The following CCL24 variants were observed in gnomAD, a reference collection of about 807,000 sequenced individuals.
CCL24 encodes C-C motif chemokine ligand 24.
A neutral mutation model predicts 8.6 loss-of-function variants in CCL24; 6 were observed. That is an observed-to-expected ratio of 0.70 (90% CI 0.38 to 1.38). The LOEUF (loss-of-function observed/expected upper bound fraction) is 1.38, where lower values mean the gene tolerates loss of function less well. Ranked by LOEUF, CCL24 falls within the 40% of genes most tolerant of loss-of-function variation. The pLI, the probability that CCL24 is intolerant of heterozygous loss-of-function variation, is 0.02. For missense variants in CCL24, 126 were observed against 147.1 expected (o/e 0.86, Z 0.74); for synonymous variants, 59 against 52.7 (o/e 1.12, Z -0.52).
At position 75,811,996 on chromosome 7, in the gene CCL24, G is replaced by A. The variant is rs143613901; in HGVS notation, c.192-32C>T. 40 of 1,598,676 alleles carry A rather than the reference G, an allele frequency of 2.5e-5. No individual in the cohort carries two copies. In the East Asian group the frequency reaches 8.5e-4, roughly 34 times the overall value. ...AAGAAAGGGACAGGGGATCAGCTGA[G>A]GTCGACAGGGACCTTGGGCCACTCC... On this transcript the variant is annotated intron_variant, in intron 2 of 2. Transcript: ENST00000222902.
rs374873340 is a variant in CCL24 at position 75,821,852 on chromosome 7, C to T, written c.-60+1470G>A. Among the ~76,000 whole-genome samples, 546 of 149,496 alleles carry T rather than the reference C, an allele frequency of 3.7e-3. 2 individuals carry two copies. Among genetic ancestry groups the T allele is most frequent in the African/African-American group, 0.013 (512 of 40,816 alleles). On this transcript the variant is annotated intron_variant, in intron 1 of 3. Transcript: ENST00000416943. ...CTGAGGCAGGAGAATGGCGTGAACC[C>T]GGGAGGCGGAGCTTGCAGTGAGCCG...
chr7:75,813,740 T>C lies in CCL24; in HGVS notation c.-25A>G. Reference sequence around the variant, plus strand: ...TGTCTCAGAGAGCAGAAGCACCAGCTCGGGGCTCAAAGCTGACGTGCAGGA... The same window carrying C: ...TGTCTCAGAGAGCAGAAGCACCAGCCCGGGGCTCAAAGCTGACGTGCAGGA... On this transcript the variant is annotated 5_prime_UTR_variant, in exon 1 of 3. Coordinates refer to ENST00000222902, the MANE Select transcript of CCL24 (RefSeq NM_002991.3). 6.2e-7 allele frequency: 1 copy of C among 1,605,254 alleles called. No homozygotes were observed. Among genetic ancestry groups the C allele is most frequent in the Non-Finnish European group, 8.5e-7 (1 of 1,172,106 alleles).
chr7:75,822,793 C>A (rs1211396483), intron 1 of CCL24, among the ~76,000 whole-genome samples: 14 of 152,122 alleles, frequency 9.2e-5, no homozygotes, highest in African/African-American at 3.1e-4. Flanking sequence ...TGTGCCACTG[C>A]ACTTCAGCCT....
Position 75,811,306 on chromosome 7 carries a change from T to C in CCL24, c.*490A>G, listed in dbSNP as rs760988849. Among the ~76,000 whole-genome samples the C allele has an allele frequency of 3.0e-4, 46 of 151,530 alleles. No individual in the cohort carries two copies. Among genetic ancestry groups the C allele is most frequent in the Non-Finnish European group, 6.0e-4 (41 of 67,892 alleles). ...CCAGCCTGGCCAACATGGTGAAACC[T>C]CATCTCTACTAAAAATACAAAAGTT... On this transcript the variant is annotated 3_prime_UTR_variant, in exon 3 of 3. Coordinates refer to ENST00000222902, the MANE Select transcript of CCL24 (RefSeq NM_002991.3).
At chr7:75,818,091 A>T (rs1267396096), upstream of CCL24, among the ~76,000 whole-genome samples, 2 of 152,128 alleles carry the variant, frequency 1.3e-5, no homozygotes, top group East Asian at 3.9e-4. Context: ...TCGGCCTCCC[A>T]AAGTGCTGGG....
upstream of CCL24, among the ~76,000 whole-genome samples, chr7:75,816,977 G>T (rs1356960789): frequency 6.6e-6 from 1 of 152,012 alleles, no homozygotes; most frequent in East Asian, 1.9e-4. Context: ...CGATCCTCCT[G>T]CCTCAGCATC....
In CCL24 at chr7:75,813,745, G is replaced by T. The variant is rs371344336; in HGVS notation, c.-30C>A. 13 of 1,589,248 alleles carry T rather than the reference G, an allele frequency of 8.2e-6. No homozygotes were observed. In the African/African-American group the frequency reaches 1.7e-4, roughly 21 times the overall value. ...CAGAGAGCAGAAGCACCAGCTCGGGGCTCAAAGCTGACGTGCAGGAGGAAA... is the reference window on the plus strand; with the variant it reads ...CAGAGAGCAGAAGCACCAGCTCGGGTCTCAAAGCTGACGTGCAGGAGGAAA... On this transcript the variant is annotated 5_prime_UTR_variant, in exon 1 of 3. Coordinates refer to ENST00000222902, the MANE Select transcript of CCL24 (RefSeq NM_002991.3).
chr7:75,818,545 G>A (rs1195743996), upstream of CCL24, among the ~76,000 whole-genome samples: 7 of 151,816 alleles, frequency 4.6e-5, no homozygotes, highest in Non-Finnish European at 5.9e-5. Flanking sequence ...GGAGGCCGAG[G>A]TGGGAGGATT....
In CCL24 at chr7:75,812,032, G is replaced by A. The variant is rs962351297; in HGVS notation, c.192-68C>T. 2.8e-5 allele frequency: 37 copies of A among 1,331,614 alleles called. No homozygotes were observed. The Middle Eastern group carries it at 8.5e-4, about 31-fold the overall frequency. 82.5% of individuals were successfully genotyped at this position (1,331,614 alleles called of 1,614,324 possible). On this transcript the variant is annotated intron_variant, in intron 2 of 2. Coordinates refer to ENST00000222902, the MANE Select transcript of CCL24 (RefSeq NM_002991.3). ...ACCTTGGGCCACTCCACTTCATGGC[G>A]GGGGGGATGTGGACGCCCAGAGACA...
chr7:75,815,997 A>G (rs554779143), upstream of CCL24, among the ~76,000 whole-genome samples: 1 of 152,172 alleles, frequency 6.6e-6, no homozygotes, highest in African/African-American at 2.4e-5. Context: ...CTGCTCTGGG[A>G]TTCCAGGGCA....
chr7:75,819,210 G>A (rs1803958108), intron 1 of CCL24, among the ~76,000 whole-genome samples: 1 of 131,698 alleles, frequency 7.6e-6, no homozygotes, highest in African/African-American at 2.9e-5. Context: ...AGAGGTTGTG[G>A]TAAGTGGAGA....
intron 2 of CCL24, 84 bp from the exon 3 acceptor site, chr7:75,812,048 C>A: frequency 8.6e-7 from 1 of 1,160,196 alleles, no homozygotes; most frequent in South Asian, 1.4e-5. Context: ...GATGTGGACG[C>A]CCAGAGACAG....
chr7:75,815,645 G>C (rs1201668711), upstream of CCL24, among the ~76,000 whole-genome samples: 3 of 152,078 alleles, frequency 2.0e-5, no homozygotes, highest in South Asian at 2.1e-4. Context: ...TCAGTTGTAA[G>C]GGACTGAGGC....
chr7:75,814,427 G>A (rs3757599), upstream of CCL24, among the ~76,000 whole-genome samples: 59 of 152,154 alleles, frequency 3.9e-4, 1 homozygote, highest in East Asian at 8.5e-3. Context: ...TTAGCCAGGC[G>A]TGGTGGTGCA....
Position 75,813,629 on chromosome 7 carries a change from G to C in CCL24, c.73+14C>G, listed in dbSNP as rs781822160. ...AGCCATGCCCTTGGAACTGCATCCT[G>C]TCGGAGGTCTTACCCGTAGGGATGA... On this transcript the variant is annotated intron_variant, in intron 1 of 2. Transcript: ENST00000222902. 1.2e-6 allele frequency: 2 copies of C among 1,607,662 alleles called. No individual in the cohort carries two copies. The highest frequency in any genetic ancestry group is 2.7e-5 in the African/African-American group (2 of 74,804).
chr7:75,817,020 A>G (rs1181678473), upstream of CCL24, among the ~76,000 whole-genome samples: 1 of 151,962 alleles, frequency 6.6e-6, no homozygotes, highest in Admixed American at 6.6e-5. Context: ...GCACGCCACC[A>G]TGCCCAGCTA....
chr7:75,816,330 G>A (rs576544200), upstream of CCL24, among the ~76,000 whole-genome samples: 252 of 152,152 alleles, frequency 1.7e-3, 4 homozygotes, highest in Middle Eastern at 0.01. Flanking sequence ...GACTGAAGTC[G>A]GGGAGGCTGG....
chr7:75,820,157 CCTT>C (rs2115811978), intron 1 of CCL24, among the ~76,000 whole-genome samples: 1 of 80,190 alleles, frequency 1.2e-5, no homozygotes, highest in Admixed American at 1.3e-4. Context: ...TCCTCCTTCT[CCTT>C]CTCCTTCTCC....
At chr7:75,816,027 C>T (rs1803882908), upstream of CCL24, among the ~76,000 whole-genome samples, 1 of 152,186 alleles carries the variant, frequency 6.6e-6, no homozygotes, top group East Asian at 1.9e-4. Context: ...GTAAGACCCA[C>T]ACAGTGGCAT....
Sources: gnomAD v4.1 joint callset for allele counts (sites outside exome capture counted in the v4.1 genomes callset) on GRCh38, gnomAD v4.1.1 for gene constraint, MANE v1.5 for transcripts, NCBI Gene and HGNC (gene_info 2026-07-23, HGNC 2026-07-21) for gene names.